LPXN: variants seen among roughly 807,000 people sequenced by gnomAD.
The protein encoded by LPXN is leupaxin.
A neutral mutation model predicts 45.6 loss-of-function variants in LPXN; 28 were observed. The observed-to-expected ratio is 0.61, with a 90% CI of 0.45 to 0.84. The LOEUF is 0.84. Ranked by LOEUF, LPXN falls within the 40% of genes least tolerant of loss-of-function variation. The pLI is 0.00. For synonymous variants in LPXN, 166 were observed against 169.9 expected, an observed-to-expected ratio of 0.98 and a Z score of 0.18; for missense variants, 459 against 475.0, an observed-to-expected ratio of 0.97 and a Z score of 0.31.
upstream of LPXN, chr11:58,577,885 A>T: frequency 2.9e-6 from 3 of 1,050,184 alleles, no homozygotes; most frequent in Non-Finnish European, 4.0e-6. Context: ...GCAACTTTAT[A>T]ATTCGTTTCA....
intron 7 of LPXN, among the ~76,000 whole-genome samples, chr11:58,544,927 T>C (rs778910729): frequency 6.6e-6 from 1 of 152,116 alleles, no homozygotes; most frequent in Non-Finnish European, 1.5e-5. Flanking sequence ...TTTGGACTGA[T>C]GAAAAAATGC....
chr11:58,539,231 G>C (rs1412393963), intron 7 of LPXN, among the ~76,000 whole-genome samples: 2 of 152,138 alleles, frequency 1.3e-5, no homozygotes, highest in African/African-American at 4.8e-5. Flanking sequence ...AATCGCTTGA[G>C]TCCAGGAGTT....
rs771476932 is a variant in LPXN at position 58,575,816 on chromosome 11, C to G, written c.-44G>C. The G allele has an allele frequency of 2.5e-6, 4 of 1,614,166 alleles. No homozygotes were observed. In the South Asian group the frequency reaches 3.3e-5, roughly 13 times the overall value. ...CTCTTGTCTCACAGGCCGTGAGGAACAGCTTTGGCATGTGCTGAAGAAGAG... is the reference window on the plus strand; with the variant it reads ...CTCTTGTCTCACAGGCCGTGAGGAAGAGCTTTGGCATGTGCTGAAGAAGAG... On this transcript the variant is annotated 5_prime_UTR_variant, in exon 1 of 9. Transcript: ENST00000395074.
At chr11:58,558,165 G>GA (rs530598718) in intron 3 of LPXN, among the ~76,000 whole-genome samples, 175 of 142,668 alleles carry the variant, frequency 1.2e-3, no homozygotes, top group East Asian at 2.4e-3. Context: ...AAGTTGTAAA[G>GA]AAAAAAAAAA....
In LPXN at chr11:58,570,733, A is replaced by G; in HGVS notation, c.14-20T>C. Reference sequence around the variant, plus strand: ...AGGCATCTACACCATAAGAAGCAAGAGAATCATGACAGAGAATATTTAAAT... The same window carrying G: ...AGGCATCTACACCATAAGAAGCAAGGGAATCATGACAGAGAATATTTAAAT... On this transcript the variant is annotated intron_variant, in intron 1 of 8. Transcript: ENST00000395074. 6.3e-7 allele frequency: 1 copy of G among 1,584,426 alleles called. No individual in the cohort carries two copies. Among genetic ancestry groups the G allele is most frequent in the South Asian group, 1.1e-5 (1 of 87,134 alleles).
At chr11:58,573,395 T>C (rs1854774555) in intron 1 of LPXN, among the ~76,000 whole-genome samples, 2 of 152,220 alleles carry the variant, frequency 1.3e-5, no homozygotes, top group Non-Finnish European at 1.5e-5. Context: ...CTTTCAATTA[T>C]GCTAGAGCCC....
Position 58,543,795 on chromosome 11 carries a change from C to T in LPXN, c.742+5991G>A, listed in dbSNP as rs529511953. 3.9e-5 allele frequency among the ~76,000 whole-genome samples: 6 copies of T among 152,226 alleles called. No individual in the cohort carries two copies. The South Asian group carries it at 1.0e-3, about 26-fold the overall frequency. On this transcript the variant is annotated intron_variant, in intron 7 of 8. Transcript: ENST00000395074. ...GTAAATATGAGAGTTCTACCTCTTC[C>T]CCACTAAGACAGCATGTAAGCAAAG...
chr11:58,528,625 T>C lies in LPXN; in HGVS notation c.743-434A>G, dbSNP rs558911100. ...TATTTAAAATCATCTTTGTGGGCTG[T>C]CTCCCCTTACAGGAACATTAGCTCT... On this transcript the variant is annotated intron_variant, in intron 7 of 8. Coordinates refer to ENST00000395074, the MANE Select transcript of LPXN (RefSeq NM_004811.3). 1.9e-3 allele frequency among the ~76,000 whole-genome samples: 287 copies of C among 152,276 alleles called. 2 individuals are homozygous for C. Among genetic ancestry groups the C allele is most frequent in the African/African-American group, 6.5e-3 (270 of 41,552 alleles).
At chr11:58,553,780 A>G (rs1469020077) in intron 4 of LPXN, 1 of 152,172 alleles carries the variant, frequency 6.6e-6, no homozygotes, top group Non-Finnish European at 1.5e-5. Flanking sequence ...AGGATTCTGG[A>G]TTATATTTCC....
At chr11:58,557,810 A>C (rs1420485145) in intron 3 of LPXN, among the ~76,000 whole-genome samples, 1 of 152,190 alleles carries the variant, frequency 6.6e-6, no homozygotes, top group Non-Finnish European at 1.5e-5. Flanking sequence ...ATAACCCATA[A>C]CATAATATTG....
intron 4 of LPXN, among the ~76,000 whole-genome samples, chr11:58,551,977 G>T (rs1322361663): frequency 6.6e-6 from 1 of 152,178 alleles, no homozygotes; most frequent in African/African-American, 2.4e-5. Context: ...CAGAGGGAGT[G>T]AGATTGAACA....
chr11:58,575,642 G>A (rs1854861843), intron 1 of LPXN, 118 bp downstream of exon 1: 1 of 1,162,916 alleles, frequency 8.6e-7, no homozygotes, highest in Non-Finnish European at 1.3e-6. Flanking sequence ...CAGGAAAGAA[G>A]TGAAAATAAA....
chr11:58,554,684 A>G (rs1350223515), intron 4 of LPXN, 157 bp downstream of exon 4: 2 of 539,510 alleles, frequency 3.7e-6, no homozygotes, highest in African/African-American at 3.9e-5. Context: ...TCATGGAATT[A>G]AATTTAGTCT....
chr11:58,567,636 C>T (rs1035982709), intron 2 of LPXN, among the ~76,000 whole-genome samples: 4 of 152,224 alleles, frequency 2.6e-5, no homozygotes, highest in African/African-American at 7.2e-5. Flanking sequence ...GCATATTCTT[C>T]TTAAATTATT....
chr11:58,551,870 A>C (rs1854061386), intron 4 of LPXN, among the ~76,000 whole-genome samples: 1 of 152,206 alleles, frequency 6.6e-6, no homozygotes, highest in South Asian at 2.1e-4. Context: ...AAATATTGAC[A>C]TTTATGGGAA....
At chr11:58,570,743 C>A in intron 1 of LPXN, 30 bp from the exon 2 acceptor site, 1 of 1,561,176 alleles carries the variant, frequency 6.4e-7, no homozygotes, top group Non-Finnish European at 8.7e-7. Context: ...AGAATCATGA[C>A]AGAGAATATT....
intron 7 of LPXN, among the ~76,000 whole-genome samples, chr11:58,536,865 C>T (rs1853568707): frequency 6.6e-6 from 1 of 151,860 alleles, no homozygotes; most frequent in South Asian, 2.1e-4. Flanking sequence ...ACACACACTT[C>T]TCAAAAGAAG....
chr11:58,532,420 A>G (rs957789459), intron 7 of LPXN, among the ~76,000 whole-genome samples: 1 of 152,230 alleles, frequency 6.6e-6, no homozygotes, highest in African/African-American at 2.4e-5. Flanking sequence ...TCAGGTGGGG[A>G]CTTGGATAAC....
At chr11:58,536,094 T>G (rs571152099) in intron 7 of LPXN, among the ~76,000 whole-genome samples, 10 of 152,292 alleles carry the variant, frequency 6.6e-5, no homozygotes, top group African/African-American at 2.2e-4. Flanking sequence ...CCAAAGTAAT[T>G]TATGCATTCA....
Sources: allele counts gnomAD v4.1 joint callset (sites outside exome capture counted in the v4.1 genomes callset), GRCh38; gene constraint gnomAD v4.1.1; transcripts MANE v1.5; gene names NCBI Gene and HGNC (gene_info 2026-07-23, HGNC 2026-07-21).